The following LANCL1 variants were observed in gnomAD, a reference collection of about 807,000 sequenced individuals.
The protein encoded by LANCL1 is LanC like glutathione S-transferase 1.
Under a neutral mutation model 50.6 loss-of-function variants are expected in LANCL1, and 50 were observed. The observed-to-expected ratio is 0.99, with a 90% CI of 0.79 to 1.25. The LOEUF is 1.25. LANCL1 is among the 50% of genes most tolerant of loss of function. The pLI is 0.00. For missense variants in LANCL1, 532 were observed against 480.7 expected (o/e 1.11, Z -1.00); for synonymous variants, 188 against 178.6 (o/e 1.05, Z -0.42).
chr2:210,475,509 T>A (rs1445697470), intron 2 of LANCL1, among the ~76,000 whole-genome samples: 1 of 152,044 alleles, frequency 6.6e-6, no homozygotes, highest in Non-Finnish European at 1.5e-5. Flanking sequence ...TTTAAAAAAA[T>A]TTTAGTAGAG....
rs996266175 is a variant in LANCL1, at chr2:210,436,274, G to A, written c.992C>T (p.Ala331Val). 1.2e-6 allele frequency: 2 copies of A among 1,613,924 alleles called. No individual in the cohort carries two copies. Among genetic ancestry groups the A allele is most frequent in the Admixed American group, 3.3e-5 (2 of 59,982 alleles). Residue 331 changes from alanine to valine, a missense_variant, in exon 8 of 10, where the codon GCC becomes GTC. By Grantham distance (64) the Ala-to-Val change is moderately conservative. Transcript: ENST00000450366. ...LCHGSAGNAYAFLTLYNLTQD... is the reference protein window; with the variant it reads ...LCHGSAGNAYVFLTLYNLTQD... ...TGTGAGGTTGTAGAGTGTCAGGAAGGCATAGGCATTCCCTGCAGAACCGTG... is the reference window on the plus strand; with the variant it reads ...TGTGAGGTTGTAGAGTGTCAGGAAGACATAGGCATTCCCTGCAGAACCGTG...
intron 2 of LANCL1, among the ~76,000 whole-genome samples, chr2:210,475,870 C>A (rs1420010908): frequency 6.6e-6 from 1 of 152,146 alleles, no homozygotes; most frequent in African/African-American, 2.4e-5. Flanking sequence ...TCCCCAAATT[C>A]TCTAAGCACT....
intron 4 of LANCL1, among the ~76,000 whole-genome samples, chr2:210,446,603 C>T (rs1693338092): frequency 6.6e-6 from 1 of 151,728 alleles, no homozygotes; most frequent in African/African-American, 2.4e-5. Context: ...AAGTTAAGAC[C>T]CTTGAAAAAA....
chr2:210,441,255 T>C (rs367664404), intron 5 of LANCL1, 53 bp downstream of exon 5: 7 of 1,558,972 alleles, frequency 4.5e-6, no homozygotes, highest in East Asian at 2.3e-5. Context: ...TTTAGGCAGA[T>C]AGTAAGTAAA....
Position 210,476,337 on chromosome 2 carries a change from G to A in LANCL1, c.60C>T (p.Gly20=). 1.2e-6 allele frequency: 2 copies of A among 1,613,850 alleles called. No homozygotes were observed. Among genetic ancestry groups the A allele is most frequent in the South Asian group, 2.2e-5 (2 of 91,070 alleles). Residue 20 remains glycine (G), a synonymous_variant, in exon 2 of 10, where the codon GGC becomes GGT. Coordinates refer to ENST00000450366, the MANE Select transcript of LANCL1 (RefSeq NM_006055.3). The stretch of plus-strand genomic sequence containing the variant: ...TCACCCTCCCGGCAGCATCAAAGTA[G>A]CCTTCGGCCAGGGATTTGTTATAAT... ...YADYNKSLAE[G]YFDAAGRLTP... is the part of the protein sequence containing the mutation.
chr2:210,476,115 AATGTT>A (rs1694359077), intron 2 of LANCL1, among the ~76,000 whole-genome samples, 196 bp downstream of exon 2: 1 of 152,250 alleles, frequency 6.6e-6, no homozygotes, highest in Non-Finnish European at 1.5e-5. Flanking sequence ...TTCAATTAAT[AATGTT>A]AACAATGACA....
intron 4 of LANCL1, among the ~76,000 whole-genome samples, chr2:210,445,190 T>C (rs1693278536): frequency 6.6e-6 from 1 of 152,130 alleles, no homozygotes; most frequent in Non-Finnish European, 1.5e-5. Context: ...CACATACTGT[T>C]CTATGGAAGT....
chr2:210,439,285 C>G (rs2105888364), intron 6 of LANCL1, among the ~76,000 whole-genome samples: 1 of 152,294 alleles, frequency 6.6e-6, no homozygotes, highest in East Asian at 1.9e-4. Context: ...AGATTTCTTA[C>G]TACAGCTAAC....
Position 210,447,969 on chromosome 2 carries a change from A to G in LANCL1, c.408-6526T>C, listed in dbSNP as rs538456653. ...CAACAAGCAGAAAATTAACAAGGAT[A>G]TTCACGACTTAAACTCAGCTCTGGA... On this transcript the variant is annotated intron_variant, in intron 4 of 9. Transcript: ENST00000450366. 3.3e-5 allele frequency among the ~76,000 whole-genome samples: 5 copies of G among 152,302 alleles called. No homozygotes were observed. In the South Asian group the frequency reaches 1.0e-3, roughly 32 times the overall value.
chr2:210,455,397 G>A (rs1323420178), intron 3 of LANCL1, 83 bp from the exon 4 acceptor site: 16 of 1,133,786 alleles, frequency 1.4e-5, no homozygotes, highest in East Asian at 2.5e-5. Flanking sequence ...ACTCAGCAGC[G>A]ATTTTTGATA....
chr2:210,472,980 T>C (rs1275588620), intron 2 of LANCL1, among the ~76,000 whole-genome samples: 2 of 152,208 alleles, frequency 1.3e-5, no homozygotes, highest in African/African-American at 4.8e-5. Flanking sequence ...GGTCCACAGA[T>C]GCTGTGCAAA....
chr2:210,435,531 C>A, intron 8 of LANCL1, 72 bp from the exon 9 acceptor site: 1 of 1,128,814 alleles, frequency 8.9e-7, no homozygotes, highest in Non-Finnish European at 1.4e-6. Context: ...AAGAGGTTGT[C>A]TATACAAATT....
intron 3 of LANCL1, among the ~76,000 whole-genome samples, chr2:210,459,832 C>G (rs1376326932): frequency 6.6e-6 from 1 of 151,560 alleles, no homozygotes; most frequent in Non-Finnish European, 1.5e-5. Context: ...GGCTTCAGCA[C>G]GAAAGCTGTG....
intron 8 of LANCL1, among the ~76,000 whole-genome samples, chr2:210,435,916 T>TTTTTTTC: frequency 6.8e-6 from 1 of 147,310 alleles, no homozygotes; most frequent in Non-Finnish European, 1.5e-5. Context: ...TTTTTTTTTT[T>TTTTTTTC]TTGAGATGGA....
intron 3 of LANCL1, among the ~76,000 whole-genome samples, chr2:210,471,038 T>G (rs62203671): frequency 1.9e-5 from 1 of 52,546 alleles, no homozygotes; most frequent in Middle Eastern, 7.4e-3. Flanking sequence ...ACTTTTCTTC[T>G]TTGATTTTTT....
At chr2:210,441,485 C>A in intron 4 of LANCL1, 42 bp from the exon 5 acceptor site, 1 of 1,560,576 alleles carries the variant, frequency 6.4e-7, no homozygotes, top group Non-Finnish European at 8.7e-7. Flanking sequence ...TGAAAGGAAC[C>A]AGGTATTGGT....
chr2:210,453,450 G>A (rs1475761526), intron 4 of LANCL1, among the ~76,000 whole-genome samples: 1 of 152,154 alleles, frequency 6.6e-6, no homozygotes, highest in Admixed American at 6.6e-5. Context: ...CTAAGCAGCC[G>A]GTAAAGACAC....
In LANCL1 at chr2:210,472,005, C is replaced by G; in HGVS notation, c.153G>C (p.Leu51=). The change falls in exon 3 of 10, where the codon CTG becomes CTC. Residue 51 remains leucine (L), a synonymous_variant. Transcript: ENST00000450366. The stretch of plus-strand genomic sequence containing the variant: ...TGCCATCCCGAGGGTCTGCTGATTT[C>G]AGGCCTCTCTCCATTTGCTGAAGAA... ...RELLQQMERG[L]KSADPRDGTG... 1 of 1,614,172 alleles carries G rather than the reference C, an allele frequency of 6.2e-7. No homozygotes were observed. The highest frequency in any genetic ancestry group is 8.5e-7 in the Non-Finnish European group (1 of 1,180,012).
chr2:210,444,489 G>A (rs1482574830), intron 4 of LANCL1, among the ~76,000 whole-genome samples: 1 of 152,226 alleles, frequency 6.6e-6, no homozygotes, highest in African/African-American at 2.4e-5. Flanking sequence ...TTATGAAGGA[G>A]TCTTTAAGGG....
Sources: gnomAD v4.1 joint callset for allele counts (sites outside exome capture counted in the v4.1 genomes callset) on GRCh38, gnomAD v4.1.1 for gene constraint, MANE v1.5 for transcripts, NCBI Gene and HGNC (gene_info 2026-07-23, HGNC 2026-07-21) for gene names.